The following LRRC37A2 variants were observed in gnomAD, a reference collection of about 807,000 sequenced individuals.
The protein encoded by LRRC37A2 is leucine-rich repeat-containing protein 37A2.
In LRRC37A2, 9 loss-of-function variants were observed where a neutral mutation model predicts 68.8. The observed-to-expected ratio is 0.13, with a 90% CI of 0.08 to 0.23. The LOEUF is 0.23. Among genes scored for constraint, LRRC37A2 ranks in the 10% least tolerant of loss-of-function variants. The pLI is 1.00. For missense variants in LRRC37A2, 168 were observed against 950.4 expected (o/e 0.18, Z 10.82); for synonymous variants, 63 against 367.6 (o/e 0.17, Z 9.48).
chr17:47,003,214 A>G, the LRRC37A2 span, among the ~76,000 whole-genome samples: 1 of 138,506 alleles, frequency 7.2e-6, no homozygotes, highest in African/African-American at 2.7e-5. Flanking sequence ...TGATGGTGCC[A>G]CTGCACTCCA....
At chr17:46,730,780 T>C in the LRRC37A2 span, among the ~76,000 whole-genome samples, 1 of 152,090 alleles carries the variant, frequency 6.6e-6, no homozygotes, top group Non-Finnish European at 1.5e-5. Context: ...TAAGTAAAGT[T>C]CAAATGGCCA....
the LRRC37A2 span, among the ~76,000 whole-genome samples, chr17:46,842,928 T>C: frequency 1.3e-5 from 2 of 152,236 alleles, no homozygotes; most frequent in African/African-American, 2.4e-5. Context: ...ATCCATTTTA[T>C]GGATGAAGAA....
chr17:46,724,150 T>A, the LRRC37A2 span, among the ~76,000 whole-genome samples: 1 of 152,190 alleles, frequency 6.6e-6, no homozygotes, highest in African/African-American at 2.4e-5. Flanking sequence ...CTTCCACCCT[T>A]TCCACTGGTT....
chr17:46,893,629 A>T, the LRRC37A2 span, among the ~76,000 whole-genome samples: 10 of 152,214 alleles, frequency 6.6e-5, no homozygotes, highest in East Asian at 1.9e-3. Context: ...TTGGGTAGCT[A>T]CATGTCACCT....
the LRRC37A2 span, among the ~76,000 whole-genome samples, chr17:46,456,207 GATATGTGTGTGTGT>G: frequency 1.8e-4 from 18 of 100,398 alleles, 4 homozygotes; most frequent in South Asian, 1.4e-3. Context: ...TATTCCATGG[GATATGTGTGTGTGT>G]GTGTGTGTGT....
At chr17:46,775,849 G>A in the LRRC37A2 span, among the ~76,000 whole-genome samples, 2 of 151,754 alleles carry the variant, frequency 1.3e-5, no homozygotes, top group Admixed American at 6.6e-5. Flanking sequence ...TCCTGACCTC[G>A]TGATCCACAC....
At chr17:47,011,926 G>T in the LRRC37A2 span, among the ~76,000 whole-genome samples, 3 of 152,164 alleles carry the variant, frequency 2.0e-5, no homozygotes, top group East Asian at 5.8e-4. Flanking sequence ...TTGATTGCAA[G>T]ATCAAAAAAT....
chr17:46,899,876 A>G, the LRRC37A2 span, among the ~76,000 whole-genome samples: 2 of 151,990 alleles, frequency 1.3e-5, no homozygotes, highest in Admixed American at 1.3e-4. Flanking sequence ...ACCTGGAATT[A>G]AGGAGATATA....
the LRRC37A2 span, among the ~76,000 whole-genome samples, chr17:46,494,089 C>T: frequency 6.7e-6 from 1 of 150,178 alleles, no homozygotes; most frequent in Admixed American, 6.6e-5. Context: ...AAGCAATCTG[C>T]CTACCTTGGC....
the LRRC37A2 span, chr17:46,750,027 GA>G: frequency 1.7e-6 from 2 of 1,153,266 alleles, no homozygotes; most frequent in African/African-American, 3.1e-5. Flanking sequence ...GGGACCCGGG[GA>G]TATTACAGGT....
the LRRC37A2 span, among the ~76,000 whole-genome samples, chr17:46,816,432 G>A: frequency 6.9e-6 from 1 of 144,902 alleles, no homozygotes; most frequent in East Asian, 2.2e-4. Flanking sequence ...AGACACACTG[G>A]TGTATAGAAA....
At chr17:46,959,120 T>C in the LRRC37A2 span, among the ~76,000 whole-genome samples, 169 of 152,252 alleles carry the variant, frequency 1.1e-3, 1 homozygote, top group Middle Eastern at 3.4e-3. Flanking sequence ...GAATCTAGAA[T>C]GTGGCTAGGC....
intron 2 of LRRC37A2, 160 bp from the exon 2 acceptor site, chr17:46,517,202 G>C (rs1432323346): frequency 1.2e-6 from 1 of 801,762 alleles, no homozygotes; most frequent in African/African-American, 1.7e-5. Context: ...ATAATTTCTT[G>C]ATGAATTGTG....
chr17:46,815,148 A>G, the LRRC37A2 span, among the ~76,000 whole-genome samples: 1 of 152,042 alleles, frequency 6.6e-6, no homozygotes, highest in Non-Finnish European at 1.5e-5. Flanking sequence ...GCTAGGCCCT[A>G]ATAACATAGG....
chr17:46,541,306 C>T (rs2055267065), intron 8 of LRRC37A2, among the ~76,000 whole-genome samples: 1 of 150,018 alleles, frequency 6.7e-6, no homozygotes, highest in South Asian at 2.1e-4. Flanking sequence ...GGCTGCAGTG[C>T]AGCGGCATGA....
At chr17:46,826,636 AC>A in the LRRC37A2 span, among the ~76,000 whole-genome samples, 1 of 152,204 alleles carries the variant, frequency 6.6e-6, no homozygotes, top group Non-Finnish European at 1.5e-5. Flanking sequence ...TGCTTCATCA[AC>A]TGCAAAATGG....
the LRRC37A2 span, among the ~76,000 whole-genome samples, chr17:46,791,989 G>A: frequency 6.6e-6 from 1 of 152,164 alleles, no homozygotes; most frequent in African/African-American, 2.4e-5. Context: ...GTAGTAAGCT[G>A]TGATTGCACC....
the LRRC37A2 span, among the ~76,000 whole-genome samples, chr17:46,899,392 G>A: frequency 3.5e-3 from 527 of 152,142 alleles, 1 homozygote; most frequent in Non-Finnish European, 5.4e-3. Flanking sequence ...GTGACAGAGC[G>A]AGACCCTGTC....
At chr17:46,782,467 CAGA>C in the LRRC37A2 span, among the ~76,000 whole-genome samples, 1 of 152,206 alleles carries the variant, frequency 6.6e-6, no homozygotes, top group Non-Finnish European at 1.5e-5. Flanking sequence ...TTCCTGGGCC[CAGA>C]AGGGCTCCAC....
Sources: allele counts gnomAD v4.1 joint callset (sites outside exome capture counted in the v4.1 genomes callset), GRCh38; gene constraint gnomAD v4.1.1; transcripts MANE v1.5; gene names NCBI Gene and HGNC (gene_info 2026-07-23, HGNC 2026-07-21).